TBC1D15: variants seen among roughly 807,000 people sequenced by gnomAD.
TBC1D15 encodes the protein TBC1 domain family member 15.
TBC1D15 carries 39 observed loss-of-function variants against 95.4 expected under a neutral mutation model. The ratio of observed to expected loss-of-function variants is 0.41; its 90% confidence interval spans 0.32 to 0.53. The LOEUF is 0.53. Among genes scored for constraint, TBC1D15 ranks in the 20% least tolerant of loss-of-function variants. The pLI is 0.29. For synonymous variants in TBC1D15, 258 were observed against 261.3 expected (o/e 0.99, Z 0.12); for missense variants, 733 against 794.3 (o/e 0.92, Z 0.93).
chr12:71,873,452 A>G (rs1285490161), intron 3 of TBC1D15, among the ~76,000 whole-genome samples: 1 of 152,142 alleles, frequency 6.6e-6, no homozygotes, highest in African/African-American at 2.4e-5. Flanking sequence ...AATAGTGTAT[A>G]TATCACAGTT....
At chr12:71,873,179 A>G (rs1357043049) in intron 3 of TBC1D15, among the ~76,000 whole-genome samples, 176 bp downstream of exon 3, 1 of 152,182 alleles carries the variant, frequency 6.6e-6, no homozygotes, top group Admixed American at 6.5e-5. Flanking sequence ...GAACATTTTC[A>G]TCACCCTCCA....
intron 1 of TBC1D15, among the ~76,000 whole-genome samples, chr12:71,851,366 G>T (rs943541450): frequency 2.6e-5 from 4 of 152,026 alleles, no homozygotes; most frequent in African/African-American, 9.7e-5. Context: ...TTTAGGTGGG[G>T]ACACAGATCC....
chr12:71,850,103 A>G, intron 1 of TBC1D15: 1 of 520,774 alleles, frequency 1.9e-6, no homozygotes, highest in South Asian at 1.7e-5. Flanking sequence ...ATCAGAAGAC[A>G]CTCTGGAGTT....
rs1868258633 is a variant in TBC1D15, at chr12:71,918,603, T to C, written c.1599+55T>C. On this transcript the variant is annotated intron_variant, in intron 14 of 16. Transcript: ENST00000485960. ...ATATTTATTATGAAAAGAAACAATT[T>C]ATTCTGTAGAGTGTAAATGAATTAT... 6 of 1,182,680 alleles carry C rather than the reference T, an allele frequency of 5.1e-6. No homozygotes were observed. In the Admixed American group the frequency reaches 1.3e-4, roughly 26 times the overall value. The allele number at this position is 1,182,680 out of a possible 1,614,324, so 73.3% of individuals were successfully genotyped here. A position where few individuals can be genotyped will look rare whatever the true frequency, so the allele number is the denominator to read the frequency against.
intron 3 of TBC1D15, among the ~76,000 whole-genome samples, chr12:71,880,038 A>AC (rs2138454064): frequency 6.6e-6 from 1 of 152,314 alleles, no homozygotes; most frequent in East Asian, 1.9e-4. Context: ...AAATTATACA[A>AC]CCATTGATGG....
chr12:71,880,705 G>T, intron 4 of TBC1D15, 98 bp downstream of exon 4: 1 of 1,312,904 alleles, frequency 7.6e-7, no homozygotes, highest in Non-Finnish European at 1.0e-6. Context: ...CAGTGAGAAG[G>T]ATGATTAATT....
At chr12:71,861,612 T>C (rs931267822) in intron 1 of TBC1D15, 36 of 898,160 alleles carry the variant, frequency 4.0e-5, no homozygotes, top group Non-Finnish European at 4.8e-5. Flanking sequence ...GTATAAGTAA[T>C]GGTTTGTCAA....
At chr12:71,851,200 G>A (rs917111827) in intron 1 of TBC1D15, among the ~76,000 whole-genome samples, 1 of 151,842 alleles carries the variant, frequency 6.6e-6, no homozygotes, top group Non-Finnish European at 1.5e-5. Flanking sequence ...GGGAGGGGGA[G>A]GTGCTACACA....
At chr12:71,862,640 A>G (rs562845727) in intron 1 of TBC1D15, among the ~76,000 whole-genome samples, 1 of 152,320 alleles carries the variant, frequency 6.6e-6, no homozygotes, top group Non-Finnish European at 1.5e-5. Flanking sequence ...TTTACATTCA[A>G]GATTGTTATT....
chr12:71,894,544 C>A, intron 6 of TBC1D15, 142 bp from the exon 7 acceptor site: 1 of 1,090,026 alleles, frequency 9.2e-7, no homozygotes, highest in Non-Finnish European at 1.3e-6. Context: ...AAAGAAAATA[C>A]AAATTTAAGA....
chr12:71,893,986 G>A (rs1301622507), intron 6 of TBC1D15, among the ~76,000 whole-genome samples: 1 of 151,898 alleles, frequency 6.6e-6, no homozygotes, highest in Non-Finnish European at 1.5e-5. Flanking sequence ...GGATGAGAGA[G>A]AGAACTAAAC....
chr12:71,863,445 G>C (rs1890818709), intron 1 of TBC1D15, among the ~76,000 whole-genome samples: 1 of 152,146 alleles, frequency 6.6e-6, no homozygotes, highest in Non-Finnish European at 1.5e-5. Flanking sequence ...TATGTGACTT[G>C]ACGTTTTTTT....
chr12:71,896,176 T>G (rs1305783282), intron 8 of TBC1D15, 101 bp downstream of exon 8: 12 of 310,032 alleles, frequency 3.9e-5, no homozygotes, highest in Non-Finnish European at 5.3e-5. Context: ...TTGTTGTTGG[T>G]TTTTTTTTTT....
At chr12:71,918,255 G>C (rs1904173211) in intron 13 of TBC1D15, among the ~76,000 whole-genome samples, 196 bp from the exon 14 acceptor site, 3 of 152,182 alleles carry the variant, frequency 2.0e-5, no homozygotes, top group Admixed American at 2.0e-4. Flanking sequence ...CCTTAAACTT[G>C]ATTCGTAAAA....
intron 9 of TBC1D15, 65 bp from the exon 10 acceptor site, chr12:71,897,782 A>T: frequency 8.2e-7 from 1 of 1,219,090 alleles, no homozygotes; most frequent in Non-Finnish European, 1.2e-6. Context: ...AGAAAAACCC[A>T]ATTAAACAGT....
intron 11 of TBC1D15, among the ~76,000 whole-genome samples, chr12:71,910,341 G>A (rs1901899058): frequency 1.3e-5 from 2 of 148,652 alleles, no homozygotes; most frequent in Non-Finnish European, 3.0e-5. Flanking sequence ...ACTTGGCAAT[G>A]CAGGCTCTTT....
intron 4 of TBC1D15, among the ~76,000 whole-genome samples, chr12:71,881,807 A>G (rs1417041512): frequency 6.6e-6 from 1 of 151,196 alleles, no homozygotes; most frequent in Admixed American, 6.6e-5. Context: ...AGTCCCAGCT[A>G]CTGGGGAAGC....
At chr12:71,920,894 T>C (rs1429941810) in intron 15 of TBC1D15, 47 bp downstream of exon 15, 1 of 1,373,228 alleles carries the variant, frequency 7.3e-7, no homozygotes, top group East Asian at 2.3e-5. Context: ...CTTTTCTATT[T>C]GGTGGTCCTG....
rs763420802 is a variant in TBC1D15, at chr12:71,894,770, G to A, written c.742G>A (p.Asp248Asn). 5.0e-6 allele frequency: 8 copies of A among 1,613,114 alleles called. No individual in the cohort carries two copies. Among genetic ancestry groups the A allele is most frequent in the Middle Eastern group, 1.6e-4 (1 of 6,084 alleles). Residue 248 changes from aspartate (D) to asparagine (N), a missense_variant, in exon 7 of 17, where the codon GAT becomes AAT. Transcript: ENST00000485960. ...NYIFDSLRGS[D>N]PSTHQRPPSE... is the part of the protein sequence containing the mutation. Reference sequence around the variant, plus strand: ...CATTTTTGACAGTTTGAGAGGCAGCGATCCCTCTACACATCAACGACCACC... The same window carrying A: ...CATTTTTGACAGTTTGAGAGGCAGCAATCCCTCTACACATCAACGACCACC...
Sources: gnomAD v4.1 joint callset for allele counts (sites outside exome capture counted in the v4.1 genomes callset) on GRCh38, gnomAD v4.1.1 for gene constraint, MANE v1.5 for transcripts, NCBI Gene and HGNC (gene_info 2026-07-23, HGNC 2026-07-21) for gene names.